CACNB4: variants seen among roughly 807,000 people sequenced by gnomAD.
The protein encoded by CACNB4 is calcium voltage-gated channel auxiliary subunit beta 4, also known as voltage-dependent L-type calcium channel subunit beta-4.
A neutral mutation model predicts 71.2 loss-of-function variants in CACNB4; 32 were observed. The ratio of observed to expected loss-of-function variants is 0.45; its 90% CI spans 0.34 to 0.60. CACNB4 has a LOEUF of 0.60. Among genes scored for constraint, CACNB4 ranks in the 20% least tolerant of loss-of-function variants. CACNB4 has a pLI of 0.01. For synonymous variants in CACNB4, 231 were observed against 236.9 expected (o/e 0.97, Z 0.23); for missense variants, 464 against 647.9 (o/e 0.72, Z 3.08).
At chr2:152,046,171 T>C (rs915739425) in intron 2 of CACNB4, among the ~76,000 whole-genome samples, 2 of 152,228 alleles carry the variant, frequency 1.3e-5, no homozygotes, top group East Asian at 3.8e-4. Flanking sequence ...ACTCTGATTA[T>C]ATAACAGTAT....
chr2:152,055,908 G>A (rs1685697867), intron 2 of CACNB4, among the ~76,000 whole-genome samples: 1 of 152,080 alleles, frequency 6.6e-6, no homozygotes, highest in African/African-American at 2.4e-5. Context: ...AGCTCAGTAT[G>A]TTTATATCCT....
chr2:152,078,047 T>C (rs1687139732), intron 2 of CACNB4, among the ~76,000 whole-genome samples: 1 of 152,074 alleles, frequency 6.6e-6, no homozygotes, highest in Non-Finnish European at 1.5e-5. Flanking sequence ...AGCTGAGAAC[T>C]AGGGCAGCAG....
At chr2:152,008,862 C>G (rs1191898303) in intron 2 of CACNB4, among the ~76,000 whole-genome samples, 5 of 152,182 alleles carry the variant, frequency 3.3e-5, no homozygotes, top group African/African-American at 1.2e-4. Flanking sequence ...TTAACAAGAT[C>G]TCCAGTGAAG....
At chr2:151,839,445 ATGTAAAAT>A in intron 13 of CACNB4, 66 bp from the exon 14 acceptor site, 1 of 1,260,764 alleles carries the variant, frequency 7.9e-7, no homozygotes, top group East Asian at 2.3e-5. Flanking sequence ...ATGTAAATGT[ATGTAAAAT>A]CATAGGATCT....
At chr2:151,994,691 C>T (rs1681942276) in intron 2 of CACNB4, among the ~76,000 whole-genome samples, 1 of 152,208 alleles carries the variant, frequency 6.6e-6, no homozygotes. Context: ...CTCATAGGCT[C>T]CTTAAGCAAA....
intron 2 of CACNB4, chr2:151,973,739 C>T: frequency 1.2e-6 from 2 of 1,610,476 alleles, no homozygotes; most frequent in Non-Finnish European, 1.7e-6. Context: ...CAGAGCACCT[C>T]TTTCAAGGCA....
intron 2 of CACNB4, among the ~76,000 whole-genome samples, chr2:151,931,690 T>G (rs570950833): frequency 1.0e-3 from 159 of 152,336 alleles, no homozygotes; most frequent in African/African-American, 3.4e-3. Context: ...CTTCTAGATA[T>G]TCCTGTAACT....
intron 2 of CACNB4, among the ~76,000 whole-genome samples, chr2:151,959,413 C>T (rs2099869087): frequency 6.6e-6 from 1 of 152,176 alleles, no homozygotes; most frequent in Admixed American, 6.5e-5. Context: ...CGTACCCTTC[C>T]CCCAACCTCC....
At chr2:152,002,132 C>T (rs1385177727) in intron 2 of CACNB4, among the ~76,000 whole-genome samples, 2 of 152,216 alleles carry the variant, frequency 1.3e-5, no homozygotes, top group Non-Finnish European at 2.9e-5. Context: ...CCTCCACGAT[C>T]TGCAAGTCCC....
At chr2:152,061,478 A>G (rs971773645) in intron 2 of CACNB4, among the ~76,000 whole-genome samples, 6 of 152,112 alleles carry the variant, frequency 3.9e-5, no homozygotes, top group African/African-American at 1.2e-4. Flanking sequence ...TTTACTTTTA[A>G]AAACAGCTTT....
intron 2 of CACNB4, among the ~76,000 whole-genome samples, chr2:151,985,165 T>C (rs891445960): frequency 6.6e-6 from 1 of 152,200 alleles, no homozygotes; most frequent in Non-Finnish European, 1.5e-5. Context: ...AAATTTGTAG[T>C]CTTAGTACTA....
chr2:152,065,332 A>G (rs1686252147), intron 2 of CACNB4, among the ~76,000 whole-genome samples: 1 of 151,760 alleles, frequency 6.6e-6, no homozygotes, highest in Non-Finnish European at 1.5e-5. Flanking sequence ...GCAGTGAGCC[A>G]AGATTGTGCC....
rs982985819 is a variant in CACNB4 at position 151,974,380 on chromosome 2, A to G, written c.148-91010T>C. Among the ~76,000 whole-genome samples the G allele has an allele frequency of 1.1e-3, 165 of 152,184 alleles. 1 individual carries two copies. The highest frequency in any genetic ancestry group is 0.01 in the Admixed American group (157 of 15,272). ...AAAAATCTTTACACCCAATGTGAAG[A>G]AAAAAATGACTAGAATAAACAGATG... On this transcript the variant is annotated intron_variant, in intron 2 of 13. Transcript: ENST00000539935.
Position 151,928,206 on chromosome 2 carries a change from T to C in CACNB4, c.148-44836A>G, listed in dbSNP as rs115670663. The stretch of plus-strand genomic sequence containing the variant: ...AGTATAAAAGCAAATGATAGTCATG[T>C]ATTGCCTAATTTTAAAAGAATACCT... On this transcript the variant is annotated intron_variant, in intron 2 of 13. Coordinates refer to ENST00000539935, the MANE Select transcript of CACNB4 (RefSeq NM_000726.5). 5.3e-3 allele frequency among the ~76,000 whole-genome samples: 811 copies of C among 152,370 alleles called. 2 individuals are homozygous for C. The highest frequency in any genetic ancestry group is 7.7e-3 in the Non-Finnish European group (527 of 68,034).
chr2:152,010,556 CAT>C (rs1483665736), intron 2 of CACNB4, among the ~76,000 whole-genome samples: 2 of 152,242 alleles, frequency 1.3e-5, no homozygotes, highest in East Asian at 1.9e-4. Flanking sequence ...AGACTTCACA[CAT>C]GTCATTGCCT....
chr2:151,885,454 A>AT (rs1171948324), intron 2 of CACNB4, among the ~76,000 whole-genome samples: 15 of 152,336 alleles, frequency 9.8e-5, no homozygotes, highest in African/African-American at 3.6e-4. Flanking sequence ...ACTGAGCTGC[A>AT]TGTGACATTA....
At chr2:151,882,762 T>C (rs143763923) in intron 3 of CACNB4, among the ~76,000 whole-genome samples, 248 of 152,348 alleles carry the variant, frequency 1.6e-3, no homozygotes, top group African/African-American at 5.7e-3. Flanking sequence ...CTTTATTGCT[T>C]GTCTTTGCTG....
chr2:151,971,439 T>C (rs972464962), intron 2 of CACNB4: 1 of 699,890 alleles, frequency 1.4e-6, no homozygotes, highest in African/African-American at 1.8e-5. Context: ...TTAGTGCCTA[T>C]ATATTCTCGG....
chr2:151,883,114 CA>C (rs1402539786), intron 3 of CACNB4, 136 bp downstream of exon 3: 2 of 833,910 alleles, frequency 2.4e-6, no homozygotes, highest in Non-Finnish European at 3.8e-6. Context: ...GTGAAAGGAT[CA>C]GAGAGCTTCC....
Sources: gnomAD v4.1 joint callset for allele counts (sites outside exome capture counted in the v4.1 genomes callset) on GRCh38, gnomAD v4.1.1 for gene constraint, MANE v1.5 for transcripts, NCBI Gene and HGNC (gene_info 2026-07-23, HGNC 2026-07-21) for gene names.